TLE4: variants seen among roughly 807,000 people sequenced by gnomAD.
The protein encoded by TLE4 is transducin-like enhancer protein 4.
A neutral mutation model predicts 92.8 loss-of-function variants in TLE4; 8 were observed. The ratio of observed to expected loss-of-function variants is 0.09; its 90% CI spans 0.05 to 0.16. The LOEUF is 0.16. Ranked by LOEUF, TLE4 falls within the 10% of genes least tolerant of loss-of-function variation. The pLI is 1.00. For synonymous variants in TLE4, 371 were observed against 374.1 expected, an observed-to-expected ratio of 0.99 and a Z score of 0.10; for missense variants, 675 against 997.6, an observed-to-expected ratio of 0.68 and a Z score of 4.36.
chr9:79,722,657 C>T, intron 18 of TLE4, 56 bp downstream of exon 18: 4 of 1,589,444 alleles, frequency 2.5e-6, no homozygotes, highest in Non-Finnish European at 2.6e-6. Flanking sequence ...CTTCCCCCTT[C>T]CTGTGTTTTT....
chr9:79,614,195 G>A (rs1235495870), intron 5 of TLE4, among the ~76,000 whole-genome samples: 3 of 152,146 alleles, frequency 2.0e-5, no homozygotes, highest in Non-Finnish European at 4.4e-5. Flanking sequence ...GTGACCTACA[G>A]AGCTGTAACC....
intron 8 of TLE4, among the ~76,000 whole-genome samples, chr9:79,682,705 T>G (rs1415992575): frequency 6.6e-6 from 1 of 152,126 alleles, no homozygotes; most frequent in Non-Finnish European, 1.5e-5. Context: ...AAGTAACAAT[T>G]TAGGACCTTT....
chr9:79,576,821 A>G (rs1037798251), intron 4 of TLE4: 7 of 151,668 alleles, frequency 4.6e-5, no homozygotes, highest in African/African-American at 1.2e-4. Context: ...AAAAAAAAAA[A>G]TGATTAGTCA....
At chr9:79,661,065 C>T (rs2060466727) in intron 8 of TLE4, among the ~76,000 whole-genome samples, 1 of 152,094 alleles carries the variant, frequency 6.6e-6, no homozygotes, top group Non-Finnish European at 1.5e-5. Flanking sequence ...TGCATTTCAT[C>T]TCTTGCAAAA....
chr9:79,721,175 C>G (rs994715361), intron 16 of TLE4, among the ~76,000 whole-genome samples: 6 of 152,208 alleles, frequency 3.9e-5, no homozygotes, highest in African/African-American at 1.4e-4. Context: ...CCTGTTTTCT[C>G]CTGGTGACCT....
intron 5 of TLE4, among the ~76,000 whole-genome samples, chr9:79,626,458 A>T (rs993771056): frequency 6.6e-6 from 1 of 152,228 alleles, no homozygotes; most frequent in East Asian, 1.9e-4. Context: ...GTTGAAAGAA[A>T]CCCAGTAAGA....
chr9:79,598,863 C>G (rs1035360353), intron 4 of TLE4, among the ~76,000 whole-genome samples: 1 of 152,000 alleles, frequency 6.6e-6, no homozygotes, highest in African/African-American at 2.4e-5. Context: ...ATAAACACCT[C>G]GAGTTCAGAT....
chr9:79,705,234 T>C (rs956362635), intron 9 of TLE4, among the ~76,000 whole-genome samples: 33 of 152,224 alleles, frequency 2.2e-4, no homozygotes, highest in African/African-American at 7.7e-4. Context: ...CAGAAAAATA[T>C]AAAATCATAA....
chr9:79,696,985 A>G (rs2068439162), intron 8 of TLE4, among the ~76,000 whole-genome samples: 1 of 152,206 alleles, frequency 6.6e-6, no homozygotes, highest in Non-Finnish European at 1.5e-5. Flanking sequence ...AGTGAGACTT[A>G]GTAACATTGG....
At chr9:79,703,358 G>A (rs1032563281) in intron 8 of TLE4, among the ~76,000 whole-genome samples, 17 of 152,220 alleles carry the variant, frequency 1.1e-4, no homozygotes, top group South Asian at 6.2e-4. Context: ...GCAGCATAGC[G>A]CAGCCCTCAG....
chr9:79,575,978 T>C, intron 3 of TLE4, 155 bp from the exon 4 acceptor site: 1 of 452,314 alleles, frequency 2.2e-6, no homozygotes, highest in Non-Finnish European at 3.9e-6. Flanking sequence ...TTAAAGATAG[T>C]GATGGGCTCT....
At chr9:79,706,414 A>C (rs1453433038) in intron 10 of TLE4, among the ~76,000 whole-genome samples, 2 of 146,524 alleles carry the variant, frequency 1.4e-5, no homozygotes, top group Admixed American at 6.8e-5. Flanking sequence ...CATTGTTCTT[A>C]TTCTATTAAG....
intron 6 of TLE4, among the ~76,000 whole-genome samples, chr9:79,648,123 C>T (rs1239682405): frequency 6.6e-6 from 1 of 152,102 alleles, no homozygotes; most frequent in Non-Finnish European, 1.5e-5. Flanking sequence ...TATGGAAAGT[C>T]TTGAATGCTA....
Position 79,725,217 on chromosome 9 carries a change from C to T in TLE4, c.*73C>T. Reference sequence around the variant, plus strand: ...CTCTGTCATCCTTTTTGTTCACCCCCATCCCCGCATCTAAAACCAAGGATT... The same window carrying T: ...CTCTGTCATCCTTTTTGTTCACCCCTATCCCCGCATCTAAAACCAAGGATT... On this transcript the variant is annotated 3_prime_UTR_variant, in exon 20 of 20. Transcript: ENST00000376552. 2 of 1,048,374 alleles carry T rather than the reference C, an allele frequency of 1.9e-6. No individual in the cohort carries two copies. The highest frequency in any genetic ancestry group is 1.5e-6 in the Non-Finnish European group (1 of 687,236). The allele number at this position is 1,048,374 out of a possible 1,614,324, so 64.9% of individuals were successfully genotyped here. A position where few individuals can be genotyped will look rare whatever the true frequency, so the allele number is the denominator to read the frequency against.
chr9:79,575,017 C>A, intron 3 of TLE4, 81 bp downstream of exon 3: 2 of 1,210,724 alleles, frequency 1.7e-6, no homozygotes, highest in Non-Finnish European at 2.4e-6. Flanking sequence ...TTGCTGGGGG[C>A]TGCAAGATAG....
intron 14 of TLE4, among the ~76,000 whole-genome samples, chr9:79,713,481 A>C (rs1224137198): frequency 6.6e-6 from 1 of 152,122 alleles, no homozygotes; most frequent in African/African-American, 2.4e-5. Context: ...TGTTGAGAGG[A>C]GGTCAGGTCA....
At chr9:79,696,771 T>C (rs1487583606) in intron 8 of TLE4, among the ~76,000 whole-genome samples, 1 of 152,218 alleles carries the variant, frequency 6.6e-6, no homozygotes, top group Non-Finnish European at 1.5e-5. Context: ...TAGTAACTTA[T>C]TTCTCTGAGC....
intron 8 of TLE4, among the ~76,000 whole-genome samples, chr9:79,688,312 T>G (rs1025536206): frequency 1.3e-5 from 2 of 152,148 alleles, no homozygotes; most frequent in South Asian, 4.1e-4. Flanking sequence ...TGTGACTGTT[T>G]CCCTTGGTTA....
At chr9:79,670,321 C>A (rs544478537) in intron 8 of TLE4, among the ~76,000 whole-genome samples, 5 of 152,108 alleles carry the variant, frequency 3.3e-5, no homozygotes, top group African/African-American at 1.2e-4. Flanking sequence ...ATTATGAGAC[C>A]CTGGGCAAAA....
Sources: allele counts gnomAD v4.1 joint callset (sites outside exome capture counted in the v4.1 genomes callset), GRCh38; gene constraint gnomAD v4.1.1; transcripts MANE v1.5; gene names NCBI Gene and HGNC (gene_info 2026-07-23, HGNC 2026-07-21).